Variants in ABCC4 observed in about 807,000 individuals in gnomAD.
ABCC4 encodes the protein ATP-binding cassette sub-family C member 4.
Under a neutral mutation model 168.5 loss-of-function variants are expected in ABCC4, and 102 were observed. The observed-to-expected ratio is 0.61, with a 90% CI of 0.52 to 0.71. ABCC4 has a LOEUF of 0.71. Ranked by LOEUF, ABCC4 falls within the 30% of genes least tolerant of loss-of-function variation. The pLI is 0.00. For synonymous variants in ABCC4, 617 were observed against 590.7 expected (o/e 1.04, Z -0.65); for missense variants, 1,402 against 1,605.8 (o/e 0.87, Z 2.17).
At chr13:95,216,659 A>T (rs1480539416) in intron 4 of ABCC4, among the ~76,000 whole-genome samples, 1 of 150,670 alleles carries the variant, frequency 6.6e-6, no homozygotes, top group East Asian at 1.9e-4. Context: ...AGGAAATGCA[A>T]ATGCTGAAAT....
chr13:95,110,408 T>C (rs888313119), intron 20 of ABCC4, among the ~76,000 whole-genome samples: 2 of 152,144 alleles, frequency 1.3e-5, no homozygotes, highest in African/African-American at 4.8e-5. Flanking sequence ...GGGAGAAACT[T>C]TGAGATATTC....
chr13:95,207,514 T>G (rs959386885), intron 7 of ABCC4, among the ~76,000 whole-genome samples: 46 of 152,230 alleles, frequency 3.0e-4, no homozygotes, highest in African/African-American at 9.2e-4. Flanking sequence ...AATACTAACA[T>G]CTTAGACTCA....
intron 16 of ABCC4, among the ~76,000 whole-genome samples, chr13:95,163,972 C>A (rs2037182149): frequency 6.9e-6 from 1 of 145,820 alleles, no homozygotes; most frequent in African/African-American, 2.6e-5. Context: ...ACCCCAGAGG[C>A]AGAGGTTGAA....
At chr13:95,048,670 T>C (rs2032696454) in intron 27 of ABCC4, among the ~76,000 whole-genome samples, 1 of 152,224 alleles carries the variant, frequency 6.6e-6, no homozygotes, top group African/African-American at 2.4e-5. Flanking sequence ...GATTTCTGTC[T>C]TATGGTGTCC....
At chr13:95,153,402 T>TG (rs1029270454) in intron 19 of ABCC4, among the ~76,000 whole-genome samples, 53 of 152,126 alleles carry the variant, frequency 3.5e-4, no homozygotes, top group African/African-American at 8.4e-4. Context: ...AATCAGTTAA[T>TG]GGGGGGGCGT....
chr13:95,240,062 A>G (rs933525771), intron 3 of ABCC4, among the ~76,000 whole-genome samples: 17 of 152,024 alleles, frequency 1.1e-4, no homozygotes, highest in Admixed American at 7.9e-4. Context: ...AGGAGGGGGG[A>G]AAATAAAACC....
At chr13:95,239,607 A>G (rs774131064) in intron 3 of ABCC4, among the ~76,000 whole-genome samples, 1 of 152,214 alleles carries the variant, frequency 6.6e-6, no homozygotes, top group Non-Finnish European at 1.5e-5. Context: ...AGCGTGGCAC[A>G]GGGATGATAA....
rs141716134 is a variant in ABCC4 at position 95,034,613 on chromosome 13, C to T, written c.3862G>A (p.Ala1288Thr). The T allele has an allele frequency of 1.7e-5, 28 of 1,612,962 alleles. No homozygotes were observed. The highest frequency in any genetic ancestry group is 2.3e-5 in the Non-Finnish European group (27 of 1,179,878). Residue 1288 changes from alanine (A) to threonine (T), a missense_variant, in exon 30 of 31, where the codon GCA becomes ACA. Ala to Thr is a moderately conservative substitution (Grantham distance 58, BLOSUM62 0). This residue lies in a region of ABCC4 where 1,007 missense variants were observed against 1,127.3 expected (regional missense o/e 0.89). Transcript: ENST00000645237. The part of the protein sequence containing the change: ...KAEAAALTET[A>T]KQVYFKRNYP... ...CCTTGGAGCACGCTCACCTGTTTTG[C>T]TGTTTCAGTGAGGGCAGCGGCTTCT...
intron 19 of ABCC4, among the ~76,000 whole-genome samples, chr13:95,130,643 A>G (rs1403235619): frequency 6.6e-6 from 1 of 152,210 alleles, no homozygotes; most frequent in Non-Finnish European, 1.5e-5. Flanking sequence ...TTCTGCAGTA[A>G]ATAAAGTACA....
rs555412018 is a variant in ABCC4 at position 95,077,075 on chromosome 13, T to C, written c.2687-1524A>G. Among the ~76,000 whole-genome samples the C allele has an allele frequency of 3.9e-5, 6 of 152,320 alleles. No homozygotes were observed. In the East Asian group the frequency reaches 1.2e-3, roughly 29 times the overall value. On this transcript the variant is annotated intron_variant, in intron 21 of 30. Coordinates refer to ENST00000645237, the MANE Select transcript of ABCC4 (RefSeq NM_005845.5). ...TGACTACCAGGACATACCTCCCTCC[T>C]GCATAGCAGCGGACATGAGGGCTAG...
chr13:95,035,599 T>C (rs1438794665), intron 29 of ABCC4, among the ~76,000 whole-genome samples: 2 of 152,240 alleles, frequency 1.3e-5, no homozygotes, highest in Non-Finnish European at 2.9e-5. Flanking sequence ...CTTCTTTCTC[T>C]TTCTTGAGCT....
chr13:95,037,039 A>G (rs933691730), intron 29 of ABCC4, among the ~76,000 whole-genome samples: 2 of 137,278 alleles, frequency 1.5e-5, no homozygotes, highest in Non-Finnish European at 3.0e-5. Flanking sequence ...AGCCAAGATC[A>G]TGCCACTGCA....
At chr13:95,195,605 A>G (rs908620962) in intron 8 of ABCC4, among the ~76,000 whole-genome samples, 7 of 152,212 alleles carry the variant, frequency 4.6e-5, no homozygotes, top group Non-Finnish European at 8.8e-5. Context: ...CATATTTTAT[A>G]AGCTTCTTTT....
rs552302161 is a variant in ABCC4 at position 95,109,642 on chromosome 13, C to T, written c.2535+6280G>A. On this transcript the variant is annotated intron_variant, in intron 20 of 30. Transcript: ENST00000645237. The stretch of plus-strand genomic sequence containing the variant: ...ACTCCAGCATTAGGTGTTGCATGGC[C>T]AGTCTTGGAGGAAGCCATAATTGAA... Among the ~76,000 whole-genome samples the T allele has an allele frequency of 7.6e-4, 115 of 152,236 alleles. No homozygotes were observed. In the South Asian group the frequency reaches 0.012, roughly 15 times the overall value.
At chr13:95,029,218 A>ATC (rs1391603197) in intron 30 of ABCC4, among the ~76,000 whole-genome samples, 2 of 5,120 alleles carry the variant, frequency 3.9e-4, no homozygotes, top group African/African-American at 6.9e-4. Flanking sequence ...ATATATAGAG[A>ATC]GAGAGAGAGA....
intron 25 of ABCC4, among the ~76,000 whole-genome samples, chr13:95,064,267 T>TAC (rs1454878553): frequency 0.071 from 155 of 2,194 alleles, 2 homozygotes; most frequent in Non-Finnish European, 0.072. Flanking sequence ...TGTGTATATA[T>TAC]ATATATATAT....
At chr13:95,076,321 T>C (rs922652876) in intron 21 of ABCC4, among the ~76,000 whole-genome samples, 5 of 152,234 alleles carry the variant, frequency 3.3e-5, no homozygotes, top group African/African-American at 1.2e-4. Context: ...GAGGTCTCTA[T>C]GGCATGTGCC....
At chr13:95,297,338 A>G (rs1440463282) in intron 1 of ABCC4, among the ~76,000 whole-genome samples, 1 of 152,118 alleles carries the variant, frequency 6.6e-6, no homozygotes, top group Non-Finnish European at 1.5e-5. Context: ...ACAATTGCCA[A>G]CAGCCATAAT....
At chr13:95,172,856 T>C (rs916430956) in intron 13 of ABCC4, among the ~76,000 whole-genome samples, 1 of 151,872 alleles carries the variant, frequency 6.6e-6, no homozygotes, top group African/African-American at 2.4e-5. Context: ...GAGGTAGAAG[T>C]TGCAGTGGGC....
Sources: allele counts gnomAD v4.1 joint callset (sites outside exome capture counted in the v4.1 genomes callset), GRCh38; gene constraint gnomAD v4.1.1; regional missense constraint gnomAD v4.1.1; transcripts MANE v1.5; gene names NCBI Gene and HGNC (gene_info 2026-07-23, HGNC 2026-07-21).